Variants in MYPOP observed in about 807,000 individuals in gnomAD.
The protein encoded by MYPOP is myb-related transcription factor, partner of profilin.
MYPOP carries 21 observed loss-of-function variants against 25.7 expected under a neutral mutation model. The ratio of observed to expected loss-of-function variants is 0.82; its 90% confidence interval spans 0.58 to 1.18. The LOEUF (loss-of-function observed/expected upper bound fraction) is 1.18. Ranked by LOEUF, MYPOP falls within the 50% of genes most tolerant of loss-of-function variation. The probability of loss-of-function intolerance (pLI) is 0.00; values close to 1 mark genes in which losing one functional copy is unlikely to be tolerated. For synonymous variants in MYPOP, 280 were observed against 247.9 expected (o/e 1.13, Z -1.22); for missense variants, 566 against 588.3 (o/e 0.96, Z 0.39).
chr19:45,901,290 C>G lies in MYPOP; in HGVS notation c.484G>C (p.Glu162Gln). ...QRYVLSEDRR[E>Q]DRRADTSAHS... ...AGACACTCACCTGCACGTCGGTCCT[C>G]CCGGCGGTCTTCCGACAACACGTAG... Residue 162 changes from glutamate (E) to glutamine (Q), a missense_variant, in exon 2 of 3, where the codon GAG becomes CAG. By Grantham distance (29) the Glu-to-Gln change is conservative (BLOSUM62 2). Transcript: ENST00000322217. This position sits in a 1 kb window ranked among gnomAD's most constrained non-coding sequence, Gnocchi z 5.7. 1 of 1,452,526 alleles carries G rather than the reference C, an allele frequency of 6.9e-7. No homozygotes were observed. Among genetic ancestry groups the G allele is most frequent in the Non-Finnish European group, 9.1e-7 (1 of 1,103,846 alleles). The allele number at this position is 1,452,526 out of a possible 1,614,324, so 90.0% of individuals were successfully genotyped here.
chr19:45,891,836 G>A (rs1256607772), intron 2 of MYPOP, among the ~76,000 whole-genome samples: 1 of 152,190 alleles, frequency 6.6e-6, no homozygotes, highest in African/African-American at 2.4e-5. Context: ...AGTCCTGCCA[G>A]CTTTAGTGGA....
At chr19:45,900,935 T>A (rs1345633474) in intron 2 of MYPOP, among the ~76,000 whole-genome samples, 1 of 152,128 alleles carries the variant, frequency 6.6e-6, no homozygotes, top group Non-Finnish European at 1.5e-5. Context: ...AGTAACTTAC[T>A]CAGATGACAC....
intron 2 of MYPOP, among the ~76,000 whole-genome samples, chr19:45,897,442 G>A (rs1011107492): frequency 6.6e-6 from 1 of 152,316 alleles, no homozygotes. Flanking sequence ...TATAAGGAAC[G>A]TGGGAATTGC....
chr19:45,894,613 T>C (rs936025576), intron 2 of MYPOP, among the ~76,000 whole-genome samples: 1 of 152,132 alleles, frequency 6.6e-6, no homozygotes, highest in Non-Finnish European at 1.5e-5. Flanking sequence ...GGTCTCACTA[T>C]GTTCCTCAGG....
In MYPOP at chr19:45,890,326, G is replaced by A. The variant is rs1049856282; in HGVS notation, c.*297C>T. On this transcript the variant is annotated 3_prime_UTR_variant, in exon 3 of 3. Transcript: ENST00000322217. ...TAGGGAAGGGGAGATGTGCAGACCC[G>A]AGAGGTTCCCTCCCCACCCCACATA... 6.2e-5 allele frequency: 20 copies of A among 323,504 alleles called. No individual in the cohort carries two copies. Among genetic ancestry groups the A allele is most frequent in the African/African-American group, 3.0e-4 (14 of 46,340 alleles). 20.0% of individuals were successfully genotyped at this position (323,504 alleles called of 1,614,324 possible).
rs890479348 is a variant in MYPOP at position 45,890,382 on chromosome 19, C to T, written c.*241G>A. The T allele has an allele frequency of 6.0e-6, 3 of 499,672 alleles. No homozygotes were observed. Among genetic ancestry groups the T allele is most frequent in the Non-Finnish European group, 1.0e-5 (3 of 295,178 alleles). The allele number at this position is 499,672 out of a possible 1,614,324, so 31.0% of individuals were successfully genotyped here. A position where few individuals can be genotyped will look rare whatever the true frequency, so the allele number is the denominator to read the frequency against. On this transcript the variant is annotated 3_prime_UTR_variant, in exon 3 of 3. Transcript: ENST00000322217. ...ATAATAAATAACATGAAATTGATGG[C>T]TTAGAAGTCAGGGTTAAGGGAGGCA...
chr19:45,897,833 G>C (rs952024391), intron 2 of MYPOP, among the ~76,000 whole-genome samples: 22 of 152,092 alleles, frequency 1.4e-4, no homozygotes, highest in African/African-American at 5.1e-4. Context: ...TGGGATTACA[G>C]GCATGCCTCT....
At position 45,890,680 on chromosome 19, in the gene MYPOP, G is replaced by T. The variant is rs1362677959; in HGVS notation, c.1143C>A (p.His381Gln). Reference sequence around the variant, plus strand: ...GTGTAGGGAAACCTTTTCTCCGCTTGTGTGGGGGGGAGTCGTGCGGAGGGA... The same window carrying T: ...GTGTAGGGAAACCTTTTCTCCGCTTTTGTGGGGGGGAGTCGTGCGGAGGGA... ...APLPPHDSPP[H>Q]KRRKGFPTRK... is the part of the protein sequence containing the mutation. Residue 381 changes from histidine (H) to glutamine (Q), a missense_variant, in exon 3 of 3, where the codon CAC becomes CAA. By Grantham distance (24) the His-to-Gln change is conservative. Transcript: ENST00000322217. 2 of 1,608,394 alleles carry T rather than the reference G, an allele frequency of 1.2e-6. No homozygotes were observed. The highest frequency in any genetic ancestry group is 2.2e-5 in the South Asian group (2 of 90,826).
At chr19:45,895,578 G>T (rs974164589) in intron 2 of MYPOP, among the ~76,000 whole-genome samples, 2 of 152,188 alleles carry the variant, frequency 1.3e-5, no homozygotes, top group African/African-American at 2.4e-5. Flanking sequence ...TCCTCCTCCT[G>T]ATGTCAGCTC....
chr19:45,890,438 G>A lies in MYPOP; in HGVS notation c.*185C>T. 4 of 896,118 alleles carry A rather than the reference G, an allele frequency of 4.5e-6. No homozygotes were observed. In the South Asian group the frequency reaches 5.6e-5, roughly 13 times the overall value. 55.5% of individuals were successfully genotyped at this position (896,118 alleles called of 1,614,324 possible). ...GCAGACAGCACTGTACCAGAGAAAGGGGTTGGGGGGGCCCATTACTGAGGC... is the reference window on the plus strand; with the variant it reads ...GCAGACAGCACTGTACCAGAGAAAGAGGTTGGGGGGGCCCATTACTGAGGC... On this transcript the variant is annotated 3_prime_UTR_variant, in exon 3 of 3. Transcript: ENST00000322217.
At chr19:45,891,986 C>G (rs1967133044) in intron 2 of MYPOP, among the ~76,000 whole-genome samples, 2 of 151,996 alleles carry the variant, frequency 1.3e-5, no homozygotes, top group Admixed American at 1.3e-4. Context: ...GTGGCGTGAT[C>G]TCGGCTCACT....
chr19:45,893,302 G>A (rs544026645), intron 2 of MYPOP, among the ~76,000 whole-genome samples: 4 of 151,446 alleles, frequency 2.6e-5, no homozygotes, highest in African/African-American at 9.7e-5. Context: ...GGGTGTGGTG[G>A]CTCACGCCTG....
intron 2 of MYPOP, among the ~76,000 whole-genome samples, chr19:45,891,916 T>C (rs2146375081): frequency 6.6e-6 from 1 of 152,140 alleles, no homozygotes; most frequent in East Asian, 1.9e-4. Flanking sequence ...CCAACAGTTT[T>C]TTTATTTTTT....
At chr19:45,892,537 CTCTCAATTG>C (rs539146109) in intron 2 of MYPOP, among the ~76,000 whole-genome samples, 5 of 152,098 alleles carry the variant, frequency 3.3e-5, no homozygotes, top group Non-Finnish European at 7.3e-5. Context: ...CAGCTGTGTA[CTCTCAATTG>C]TCGAAAAACG....
intron 2 of MYPOP, among the ~76,000 whole-genome samples, chr19:45,896,090 A>C (rs1967200465): frequency 6.6e-6 from 1 of 152,178 alleles, no homozygotes; most frequent in Non-Finnish European, 1.5e-5. Context: ...CAGGAGTTTG[A>C]GACCAGCCTG....
chr19:45,901,966 G>C lies in MYPOP; in HGVS notation c.-52-141C>G. The stretch of plus-strand genomic sequence containing the variant: ...GGCGGGCGGGGGCGACGGGCACCCG[G>C]GTAAGTCGGAAGCGCCTAAGAGTAG... On this transcript the variant is annotated intron_variant, in intron 1 of 2. Coordinates refer to ENST00000322217, the MANE Select transcript of MYPOP (RefSeq NM_001012643.4). This position sits in a 1 kb window ranked among gnomAD's most constrained non-coding sequence, Gnocchi z 5.7. 2.5e-6 allele frequency: 1 copy of C among 394,642 alleles called. No homozygotes were observed. Among genetic ancestry groups the C allele is most frequent in the East Asian group, 4.1e-5 (1 of 24,130 alleles). 24.4% of individuals were successfully genotyped at this position (394,642 alleles called of 1,614,324 possible).
rs1967301274 is a variant in MYPOP at position 45,901,816 on chromosome 19, G to T, written c.-43C>A. ...CCGTCCTGCCGTCTGGCGCATGGGG[G>T]GCGCCGGCGCTGCGGGCAAAGGGCG... On this transcript the variant is annotated 5_prime_UTR_variant, in exon 2 of 3. Transcript: ENST00000322217. The surrounding 1 kb of genome is among the most constrained non-coding windows in gnomAD (Gnocchi z 5.7). The T allele has an allele frequency of 3.1e-5, 42 of 1,340,380 alleles. No individual in the cohort carries two copies. The highest frequency in any genetic ancestry group is 3.8e-5 in the Non-Finnish European group (40 of 1,047,718). The allele number at this position is 1,340,380 out of a possible 1,614,324, so 83.0% of individuals were successfully genotyped here.
chr19:45,890,514 C>G lies in MYPOP; in HGVS notation c.*109G>C. The stretch of plus-strand genomic sequence containing the variant: ...TAGCACAGGGAGTGGGTGCTCACAT[C>G]CCTGGAGCAGGGAGCTAGGGTGCAG... On this transcript the variant is annotated 3_prime_UTR_variant, in exon 3 of 3. Transcript: ENST00000322217. 6.6e-7 allele frequency: 1 copy of G among 1,514,820 alleles called. No homozygotes were observed. Among genetic ancestry groups the G allele is most frequent in the Non-Finnish European group, 8.8e-7 (1 of 1,131,504 alleles). The allele number at this position is 1,514,820 out of a possible 1,614,324, so 93.8% of individuals were successfully genotyped here. A position where few individuals can be genotyped will look rare whatever the true frequency, so the allele number is the denominator to read the frequency against.
chr19:45,902,519 A>AT (rs1165527142), intron 1 of MYPOP, 51 bp downstream of exon 1: 1 of 152,264 alleles, frequency 6.6e-6, no homozygotes, highest in Non-Finnish European at 1.5e-5. Flanking sequence ...GACGGCAGGG[A>AT]GAGCGAAGGT....
Sources: gnomAD v4.1 joint callset for allele counts (sites outside exome capture counted in the v4.1 genomes callset) on GRCh38, gnomAD v4.1.1 for gene constraint, Gnocchi (gnomAD v3.1) non-coding constraint, MANE v1.5 for transcripts, NCBI Gene and HGNC (gene_info 2026-07-23, HGNC 2026-07-21) for gene names.